TBC1D31: variants seen among roughly 807,000 people sequenced by gnomAD.
TBC1D31 encodes the protein WD repeat domain 67.
Under a neutral mutation model 132.9 loss-of-function variants are expected in TBC1D31, and 99 were observed. The observed-to-expected ratio is 0.74, with a 90% CI of 0.63 to 0.88. The LOEUF is 0.88. TBC1D31 is among the 40% of genes least tolerant of loss of function. The pLI, the probability that TBC1D31 is intolerant of heterozygous loss-of-function variation, is 0.00. For synonymous variants in TBC1D31, 385 were observed against 419.4 expected, an observed-to-expected ratio of 0.92 and a Z score of 1.00; for missense variants, 1,134 against 1,256.6, an observed-to-expected ratio of 0.90 and a Z score of 1.48.
rs1225709944 is a variant in TBC1D31, at chr8:123,130,348, A to T, written c.2406+15A>T. 3.1e-6 allele frequency: 5 copies of T among 1,600,864 alleles called. No individual in the cohort carries two copies. Among genetic ancestry groups the T allele is most frequent in the Non-Finnish European group, 4.3e-6 (5 of 1,173,402 alleles). On this transcript the variant is annotated intron_variant, in intron 16 of 21. Transcript: ENST00000287380. ...TTGGGAGAAAGGTTTATTATTCTTA[A>T]CTTAGTTCTCATACATCATCTCCAT...
chr8:123,125,261 A>G (rs997036763), intron 11 of TBC1D31, among the ~76,000 whole-genome samples: 19 of 152,250 alleles, frequency 1.2e-4, no homozygotes, highest in Non-Finnish European at 2.6e-4. Context: ...ATGGTCTTAT[A>G]TACGGCTTTG....
intron 6 of TBC1D31, chr8:123,097,798 G>C: frequency 6.2e-6 from 1 of 160,954 alleles, no homozygotes. Context: ...CAGAAACATT[G>C]ACTCGTCAAC....
the TBC1D31 span, among the ~76,000 whole-genome samples, chr8:123,163,427 T>C: frequency 2.1e-5 from 3 of 140,038 alleles, no homozygotes; most frequent in East Asian, 4.5e-4. Context: ...TGCAGTGGTG[T>C]GATCACAGCT....
At chr8:123,078,499 G>A (rs1165977144) in intron 2 of TBC1D31, among the ~76,000 whole-genome samples, 1 of 152,202 alleles carries the variant, frequency 6.6e-6, no homozygotes, top group Non-Finnish European at 1.5e-5. Context: ...GGGCCTGGGA[G>A]CAACAGCATG....
At chr8:123,093,861 C>G in intron 5 of TBC1D31, 119 bp downstream of exon 5, 1 of 668,820 alleles carries the variant, frequency 1.5e-6, no homozygotes, top group Non-Finnish European at 2.2e-6. Flanking sequence ...AAGTTACCTT[C>G]AAATTTAGAT....
At chr8:123,159,894 C>T in the TBC1D31 span, among the ~76,000 whole-genome samples, 3 of 152,050 alleles carry the variant, frequency 2.0e-5, no homozygotes, top group Non-Finnish European at 4.4e-5. Flanking sequence ...AAAAAATACA[C>T]TTTATTTTCT....
intron 21 of TBC1D31, 32 bp downstream of exon 21, chr8:123,150,160 C>A: frequency 1.3e-6 from 2 of 1,535,732 alleles, no homozygotes; most frequent in South Asian, 1.1e-5. Context: ...TGTTATTCTG[C>A]CATTTTAAAT....
chr8:123,147,640 C>T (rs1215567127), intron 20 of TBC1D31, among the ~76,000 whole-genome samples: 1 of 152,038 alleles, frequency 6.6e-6, no homozygotes, highest in African/African-American at 2.4e-5. Context: ...TTTGGCAGAC[C>T]AGTCAGCCAT....
At chr8:123,139,200 G>T (rs1586723983) in intron 17 of TBC1D31, among the ~76,000 whole-genome samples, 1 of 151,356 alleles carries the variant, frequency 6.6e-6, no homozygotes, top group South Asian at 2.1e-4. Context: ...ACTTATGATG[G>T]GGTTATGTCC....
the TBC1D31 span, among the ~76,000 whole-genome samples, chr8:123,164,128 G>GT: frequency 6.6e-6 from 1 of 152,196 alleles, no homozygotes; most frequent in African/African-American, 2.4e-5. Context: ...ATGAATCTGT[G>GT]TATCAGCTGG....
intron 7 of TBC1D31, chr8:123,102,172 A>T: frequency 4.4e-6 from 2 of 454,154 alleles, no homozygotes; most frequent in South Asian, 3.1e-5. Context: ...TGTGTCTTCC[A>T]GTCTGAAATT....
chr8:123,157,270 A>AGACT, the TBC1D31 span, among the ~76,000 whole-genome samples: 1 of 152,188 alleles, frequency 6.6e-6, no homozygotes, highest in Non-Finnish European at 1.5e-5. Flanking sequence ...TCAGATTATG[A>AGACT]GACTGACGCG....
chr8:123,158,194 C>T, the TBC1D31 span, among the ~76,000 whole-genome samples: 1 of 151,908 alleles, frequency 6.6e-6, no homozygotes, highest in Non-Finnish European at 1.5e-5. Context: ...AAACTGCGTG[C>T]CCCTATCATA....
At chr8:123,102,142 C>A in intron 7 of TBC1D31, 1 of 425,540 alleles carries the variant, frequency 2.3e-6, no homozygotes, top group Non-Finnish European at 4.7e-6. Flanking sequence ...ATTCCCCCAG[C>A]TAACCAGTCA....
intron 20 of TBC1D31, among the ~76,000 whole-genome samples, chr8:123,145,172 G>A (rs551588705): frequency 6.6e-6 from 1 of 152,118 alleles, no homozygotes; most frequent in Non-Finnish European, 1.5e-5. Context: ...CCATCCTCCC[G>A]CCTTGCCTCT....
intron 21 of TBC1D31, among the ~76,000 whole-genome samples, chr8:123,150,476 T>C (rs1822663265): frequency 6.6e-6 from 1 of 152,206 alleles, no homozygotes; most frequent in Admixed American, 6.5e-5. Context: ...TGAAAAAAAA[T>C]CTCAGCGTTG....
intron 11 of TBC1D31, among the ~76,000 whole-genome samples, chr8:123,122,786 C>A (rs1234977976): frequency 6.6e-6 from 1 of 152,106 alleles, no homozygotes; most frequent in Non-Finnish European, 1.5e-5. Context: ...CTGGTAAAAT[C>A]TTGTTACATA....
the TBC1D31 span, among the ~76,000 whole-genome samples, chr8:123,162,630 G>A: frequency 5.3e-5 from 8 of 152,114 alleles, no homozygotes; most frequent in Admixed American, 1.3e-4. Context: ...TGCCACCGCC[G>A]GGGAGGAAAG....
intron 2 of TBC1D31, among the ~76,000 whole-genome samples, chr8:123,080,439 G>A (rs1245159638): frequency 6.6e-6 from 1 of 151,436 alleles, no homozygotes; most frequent in Non-Finnish European, 1.5e-5. Flanking sequence ...TCCTGGTAGA[G>A]AAGGGAAGAG....
Sources: gnomAD v4.1 joint callset for allele counts (sites outside exome capture counted in the v4.1 genomes callset) on GRCh38, gnomAD v4.1.1 for gene constraint, MANE v1.5 for transcripts, NCBI Gene and HGNC (gene_info 2026-07-23, HGNC 2026-07-21) for gene names.